Variants in NRXN3 observed in about 807,000 individuals in gnomAD.
NRXN3 encodes neurexin 3.
In NRXN3, 32 loss-of-function variants were observed where a neutral mutation model predicts 137.6. The observed-to-expected ratio is 0.23, with a 90% CI of 0.18 to 0.31. The LOEUF (loss-of-function observed/expected upper bound fraction) is 0.31, where lower values mean the gene tolerates loss of function less well. Ranked by LOEUF, NRXN3 falls within the 10% of genes least tolerant of loss-of-function variation. The probability of loss-of-function intolerance (pLI) is 1.00; values close to 1 mark genes in which losing one functional copy is unlikely to be tolerated. For missense variants in NRXN3, 1,574 were observed against 2,062.5 expected (o/e 0.76, Z 4.59); for synonymous variants, 798 against 784.5 (o/e 1.02, Z -0.29).
At chr14:78,756,545 CA>C (rs869164043) in intron 8 of NRXN3, among the ~76,000 whole-genome samples, 7,240 of 70,896 alleles carry the variant, frequency 0.1, 383 homozygotes, top group African/African-American at 0.27. Context: ...GATTCTGTCT[CA>C]AAAAAAAAAA....
At chr14:79,612,841 G>A (rs985085185) in intron 16 of NRXN3, among the ~76,000 whole-genome samples, 1 of 152,192 alleles carries the variant, frequency 6.6e-6, no homozygotes, top group Non-Finnish European at 1.5e-5. Flanking sequence ...GCAAAATCCT[G>A]TCTCTAAAAT....
intron 15 of NRXN3, among the ~76,000 whole-genome samples, chr14:79,398,504 G>GTT (rs150078892): frequency 4.8e-5 from 7 of 144,470 alleles, no homozygotes; most frequent in African/African-American, 7.6e-5. Flanking sequence ...AATATTCATT[G>GTT]TTTTTTTTTT....
chr14:79,065,373 G>A lies in NRXN3; in HGVS notation c.3262+77232G>A, dbSNP rs537152586. 5.9e-5 allele frequency among the ~76,000 whole-genome samples: 9 copies of A among 152,188 alleles called. No individual in the cohort carries two copies. The East Asian group carries it at 7.7e-4, about 13-fold the overall frequency. On this transcript the variant is annotated intron_variant, in intron 15 of 20. Coordinates refer to ENST00000335750, the MANE Select transcript of NRXN3 (RefSeq NM_001330195.2). Reference sequence around the variant, plus strand: ...TTCATAAAGGCATGGAATAGACTGCGGAAAATCAAGGTTGCTGGACTTTAG... The same window carrying A: ...TTCATAAAGGCATGGAATAGACTGCAGAAAATCAAGGTTGCTGGACTTTAG...
At chr14:79,050,200 T>C (rs182849572) in intron 15 of NRXN3, among the ~76,000 whole-genome samples, 1 of 152,318 alleles carries the variant, frequency 6.6e-6, no homozygotes, top group East Asian at 1.9e-4. Flanking sequence ...AGATATCTCA[T>C]GTAGAAATGA....
chr14:79,695,788 AACAC>A (rs1428425338), intron 18 of NRXN3, among the ~76,000 whole-genome samples: 1 of 152,038 alleles, frequency 6.6e-6, no homozygotes, highest in African/African-American at 2.4e-5. Context: ...GCATATGCAC[AACAC>A]ACTAAATGAA....
chr14:78,294,108 A>G (rs2076069837), intron 3 of NRXN3, among the ~76,000 whole-genome samples: 1 of 152,212 alleles, frequency 6.6e-6, no homozygotes, highest in East Asian at 1.9e-4. Context: ...GTCTGAATTA[A>G]TCATTTGACA....
chr14:79,521,510 G>A (rs909980936), intron 16 of NRXN3, among the ~76,000 whole-genome samples: 1 of 152,068 alleles, frequency 6.6e-6, no homozygotes, highest in African/African-American at 2.4e-5. Context: ...ATTGGGAAAT[G>A]TCACTTTAAG....
chr14:79,177,419 A>G (rs1325833619), intron 15 of NRXN3, among the ~76,000 whole-genome samples: 1 of 152,208 alleles, frequency 6.6e-6, no homozygotes, highest in African/African-American at 2.4e-5. Context: ...CCTCGGAGAA[A>G]ATAAATAATC....
chr14:79,830,657 G>A (rs992610791), intron 20 of NRXN3, among the ~76,000 whole-genome samples: 3 of 152,120 alleles, frequency 2.0e-5, no homozygotes, highest in South Asian at 2.1e-4. Flanking sequence ...CAATGGCACC[G>A]ATTCACCCAA....
intron 4 of NRXN3, among the ~76,000 whole-genome samples, chr14:78,362,319 T>C (rs1002388746): frequency 6.6e-6 from 1 of 151,190 alleles, no homozygotes; most frequent in Non-Finnish European, 1.5e-5. Flanking sequence ...TTTTTTCAAC[T>C]GGGGTTAGGT....
intron 15 of NRXN3, among the ~76,000 whole-genome samples, chr14:79,118,249 G>C (rs2054808448): frequency 6.6e-6 from 1 of 151,942 alleles, no homozygotes; most frequent in African/African-American, 2.4e-5. Context: ...AACAAGGATA[G>C]TTTTTAACCT....
intron 15 of NRXN3, among the ~76,000 whole-genome samples, chr14:79,452,903 T>G (rs1163368306): frequency 6.6e-6 from 1 of 152,216 alleles, no homozygotes; most frequent in Non-Finnish European, 1.5e-5. Flanking sequence ...TTTTTAAAAG[T>G]ATAAACTAAT....
chr14:79,167,061 A>T (rs909446961), intron 15 of NRXN3, among the ~76,000 whole-genome samples: 1 of 151,964 alleles, frequency 6.6e-6, no homozygotes, highest in African/African-American at 2.4e-5. Flanking sequence ...TTACTTTTTC[A>T]GCACTAGATT....
intron 15 of NRXN3, among the ~76,000 whole-genome samples, chr14:79,341,372 G>A (rs990567023): frequency 2.6e-5 from 4 of 152,184 alleles, no homozygotes; most frequent in East Asian, 1.9e-4. Context: ...AAGACCTTTC[G>A]CTGCAAATCC....
chr14:79,236,791 T>G (rs1021147759), intron 15 of NRXN3, among the ~76,000 whole-genome samples: 2 of 152,106 alleles, frequency 1.3e-5, no homozygotes, highest in African/African-American at 4.8e-5. Context: ...GGCACACGCA[T>G]GTAGTTCCAG....
intron 19 of NRXN3, among the ~76,000 whole-genome samples, chr14:79,734,691 G>A (rs1375568780): frequency 6.6e-6 from 1 of 151,766 alleles, no homozygotes; most frequent in Non-Finnish European, 1.5e-5. Context: ...TGAAAATTTA[G>A]ATTCTCACAC....
intron 15 of NRXN3, among the ~76,000 whole-genome samples, chr14:79,404,536 C>T (rs2095271406): frequency 6.6e-6 from 1 of 152,008 alleles, no homozygotes; most frequent in South Asian, 2.1e-4. Flanking sequence ...AAGAAGAGTT[C>T]TGGAAATGAA....
intron 15 of NRXN3, among the ~76,000 whole-genome samples, chr14:79,322,206 G>A (rs890038344): frequency 1.2e-4 from 18 of 152,150 alleles, no homozygotes; most frequent in African/African-American, 4.3e-4. Context: ...AACTCACGAG[G>A]AAGTAAACCA....
intron 5 of NRXN3, among the ~76,000 whole-genome samples, chr14:78,648,619 T>C (rs2097709450): frequency 6.6e-6 from 1 of 152,194 alleles, no homozygotes; most frequent in Non-Finnish European, 1.5e-5. Context: ...CTGTAGATGT[T>C]TAATTATCTA....
Sources: allele counts gnomAD v4.1 joint callset (sites outside exome capture counted in the v4.1 genomes callset), GRCh38; gene constraint gnomAD v4.1.1; transcripts MANE v1.5; gene names NCBI Gene and HGNC (gene_info 2026-07-23, HGNC 2026-07-21).